CAMKMT: variants seen among roughly 807,000 people sequenced by gnomAD.
CAMKMT encodes calmodulin-lysine N-methyltransferase.
CAMKMT carries 53 observed loss-of-function variants against 48.0 expected under a neutral mutation model. That is an observed-to-expected ratio of 1.10 (90% confidence interval 0.89 to 1.39). The LOEUF (loss-of-function observed/expected upper bound fraction) is 1.39. CAMKMT is among the 40% of genes most tolerant of loss of function. CAMKMT has a pLI of 0.00. For synonymous variants in CAMKMT, 165 were observed against 152.3 expected, an observed-to-expected ratio of 1.08 and a Z score of -0.61; for missense variants, 428 against 402.7, an observed-to-expected ratio of 1.06 and a Z score of -0.54.
rs143598735 is a variant in CAMKMT, at chr2:44,648,994, G to A, written c.377-55289G>A. Among the ~76,000 whole-genome samples the A allele has an allele frequency of 7.2e-3, 1,088 of 152,118 alleles. 16 individuals are homozygous for A. The highest frequency in any genetic ancestry group is 0.025 in the African/African-American group (1,049 of 41,482). ...GCCACTGCCTCAGAAGGTGTTGAAG[G>A]GATTAAATGAGATATTTAATATAAC... On this transcript the variant is annotated intron_variant, in intron 3 of 10. Coordinates refer to ENST00000378494, the MANE Select transcript of CAMKMT (RefSeq NM_024766.5).
intron 2 of CAMKMT, among the ~76,000 whole-genome samples, chr2:44,380,827 C>A (rs1325426629): frequency 3.9e-5 from 6 of 152,064 alleles, no homozygotes; most frequent in Admixed American, 3.9e-4. Flanking sequence ...CTGCCTACCC[C>A]CTTAAAAAGG....
intron 3 of CAMKMT, among the ~76,000 whole-genome samples, chr2:44,464,613 T>G (rs1668016241): frequency 6.6e-6 from 1 of 152,116 alleles, no homozygotes; most frequent in Non-Finnish European, 1.5e-5. Context: ...ACAAGGGAGC[T>G]CCCATAAGTT....
intron 1 of CAMKMT, among the ~76,000 whole-genome samples, chr2:44,367,641 C>T (rs375136516): frequency 2.1e-5 from 3 of 144,768 alleles, no homozygotes; most frequent in Middle Eastern, 3.4e-3. Flanking sequence ...ATATTGCACT[C>T]TCCTCTCTGG....
chr2:44,631,778 T>C (rs568715374), intron 3 of CAMKMT: 90 of 357,258 alleles, frequency 2.5e-4, no homozygotes, highest in African/African-American at 1.8e-3. Context: ...TCATTATTCT[T>C]TTTACCTCTT....
intron 2 of CAMKMT, among the ~76,000 whole-genome samples, chr2:44,381,020 A>T (rs530145364): frequency 7.9e-5 from 12 of 151,870 alleles, no homozygotes; most frequent in Non-Finnish European, 1.6e-4. Flanking sequence ...ATTAGCCGGG[A>T]GTGGTGGCAG....
intron 3 of CAMKMT, among the ~76,000 whole-genome samples, chr2:44,543,216 G>A (rs890294094): frequency 7.2e-5 from 11 of 152,172 alleles, no homozygotes; most frequent in Non-Finnish European, 1.5e-4. Flanking sequence ...GAAAAGCTGA[G>A]AATCTACAGA....
At position 44,382,554 on chromosome 2, in the gene CAMKMT, CT is replaced by C. The variant is rs1165989113; in HGVS notation, c.312-7686del. On this transcript the variant is annotated intron_variant, in intron 2 of 10. Coordinates refer to ENST00000378494, the MANE Select transcript of CAMKMT (RefSeq NM_024766.5). ...AGTACAGTGGCGCGATCTCCACTCACTGCAAGCTCCGCCTCCCGGGTTCATG... is the reference window on the plus strand; with the variant it reads ...AGTACAGTGGCGCGATCTCCACTCACGCAAGCTCCGCCTCCCGGGTTCATG... Among the ~76,000 whole-genome samples, 6 of 151,924 alleles carry C rather than the reference CT, an allele frequency of 3.9e-5. No homozygotes were observed. The East Asian group carries it at 1.2e-3, about 30-fold the overall frequency.
chr2:44,446,672 A>G lies in CAMKMT; in HGVS notation c.376+56367A>G, dbSNP rs74800730. On this transcript the variant is annotated intron_variant, in intron 3 of 10. Transcript: ENST00000378494. ...TTCCCTTATATTCTCATTCACTTCAACAACTTAAGTTCCGACCTAGAGGCC... is the reference window on the plus strand; with the variant it reads ...TTCCCTTATATTCTCATTCACTTCAGCAACTTAAGTTCCGACCTAGAGGCC... Among the ~76,000 whole-genome samples the G allele has an allele frequency of 1.0e-3, 152 of 152,230 alleles. 1 individual carries two copies. Among genetic ancestry groups the G allele is most frequent in the African/African-American group, 3.5e-3 (145 of 41,550 alleles).
At chr2:44,617,799 G>C (rs1001412120) in intron 3 of CAMKMT, among the ~76,000 whole-genome samples, 1 of 152,206 alleles carries the variant, frequency 6.6e-6, no homozygotes, top group African/African-American at 2.4e-5. Flanking sequence ...CTGCAGGAAG[G>C]TAGATGATAT....
chr2:44,379,306 C>CA (rs751938738), intron 2 of CAMKMT, among the ~76,000 whole-genome samples: 10 of 152,080 alleles, frequency 6.6e-5, no homozygotes, highest in Admixed American at 2.0e-4. Flanking sequence ...TTGTTTTTTT[C>CA]ATCAGTTGAT....
intron 3 of CAMKMT, chr2:44,401,170 A>G (rs1423045327): frequency 6.6e-6 from 1 of 152,148 alleles, no homozygotes; most frequent in Non-Finnish European, 1.5e-5. Flanking sequence ...ACTGCAAGTT[A>G]AATTTGGATA....
At chr2:44,444,562 G>A (rs1370537991) in intron 3 of CAMKMT, among the ~76,000 whole-genome samples, 2 of 152,166 alleles carry the variant, frequency 1.3e-5, no homozygotes, top group East Asian at 3.9e-4. Flanking sequence ...TTTTCTAAAT[G>A]TGTATAAGCC....
rs1377657478 is a variant in CAMKMT, at chr2:44,524,651, A to G, written c.376+134346A>G. Among the ~76,000 whole-genome samples, 7 of 151,984 alleles carry G rather than the reference A, an allele frequency of 4.6e-5. No individual in the cohort carries two copies. In the South Asian group the frequency reaches 6.2e-4, roughly 13 times the overall value. On this transcript the variant is annotated intron_variant, in intron 3 of 10. Transcript: ENST00000378494. Reference sequence around the variant, plus strand: ...TTTTCATTTAGTTTTGCAGTTAGCTATGCCTTACTTCATGCTCCAGAAATA... The same window carrying G: ...TTTTCATTTAGTTTTGCAGTTAGCTGTGCCTTACTTCATGCTCCAGAAATA...
chr2:44,603,198 C>T (rs189923499), intron 3 of CAMKMT, among the ~76,000 whole-genome samples: 2 of 152,136 alleles, frequency 1.3e-5, no homozygotes, highest in East Asian at 1.9e-4. Context: ...AAGCAATTCT[C>T]GTGCCTCAGC....
At chr2:44,549,213 T>A (rs1312892849) in intron 3 of CAMKMT, among the ~76,000 whole-genome samples, 10 of 152,218 alleles carry the variant, frequency 6.6e-5, no homozygotes, top group Admixed American at 6.5e-4. Context: ...ATCTTCTGAA[T>A]CTGGTGAATG....
At chr2:44,587,445 C>T (rs1308104588) in intron 3 of CAMKMT, among the ~76,000 whole-genome samples, 1 of 148,348 alleles carries the variant, frequency 6.7e-6, no homozygotes, top group Non-Finnish European at 1.5e-5. Context: ...TCTCCCTCCC[C>T]CTCCCCCTCC....
At chr2:44,654,097 G>A (rs2104050370) in intron 3 of CAMKMT, among the ~76,000 whole-genome samples, 1 of 152,278 alleles carries the variant, frequency 6.6e-6, no homozygotes, top group Non-Finnish European at 1.5e-5. Context: ...GAAAGCTAGT[G>A]CCCTGTCACT....
intron 1 of CAMKMT, among the ~76,000 whole-genome samples, chr2:44,363,661 T>C (rs1288740691): frequency 2.6e-5 from 4 of 151,016 alleles, no homozygotes; most frequent in African/African-American, 9.8e-5. Context: ...ATTACAGGCA[T>C]GAGCCACCGT....
At chr2:44,512,655 A>G (rs758308833) in intron 3 of CAMKMT, among the ~76,000 whole-genome samples, 4 of 152,180 alleles carry the variant, frequency 2.6e-5, no homozygotes, top group Non-Finnish European at 4.4e-5. Flanking sequence ...TTTCTTCTCT[A>G]TTGGAAGGCC....
Sources: allele counts gnomAD v4.1 joint callset (sites outside exome capture counted in the v4.1 genomes callset), GRCh38; gene constraint gnomAD v4.1.1; transcripts MANE v1.5; gene names NCBI Gene and HGNC (gene_info 2026-07-23, HGNC 2026-07-21).